Variants in PRPH observed in about 807,000 individuals in gnomAD.
PRPH encodes peripherin.
In PRPH, 48 loss-of-function variants were observed where a neutral mutation model predicts 52.6. That is an observed-to-expected ratio of 0.91 (90% confidence interval 0.72 to 1.16). PRPH has a LOEUF of 1.16. Ranked by LOEUF, PRPH falls within the 50% of genes most tolerant of loss-of-function variation. The pLI, the probability that PRPH is intolerant of heterozygous loss-of-function variation, is 0.00. For missense variants in PRPH, 579 were observed against 635.7 expected (o/e 0.91, Z 0.96); for synonymous variants, 279 against 283.8 (o/e 0.98, Z 0.17).
Position 49,298,026 on chromosome 12 carries a change from C to A in PRPH, c.1336C>A (p.Arg446=). 6.2e-7 allele frequency: 1 copy of A among 1,614,128 alleles called. No individual in the cohort carries two copies. Among genetic ancestry groups the A allele is most frequent in the Non-Finnish European group, 8.5e-7 (1 of 1,179,984 alleles). The part of the protein sequence containing the change: ...KTVLIKTIET[R]NGEVVTESQK... The stretch of plus-strand genomic sequence containing the variant: ...GGTTCTGATCAAGACCATTGAGACC[C>A]GGAATGGGGAGGTGAGGCAGGTCCC... Residue 446 remains arginine, a synonymous_variant, in exon 8 of 9, where the codon CGG becomes AGG. Coordinates refer to ENST00000257860, the MANE Select transcript of PRPH (RefSeq NM_006262.4).
chr12:49,296,635 A>G lies in PRPH; in HGVS notation c.702+108A>G. Reference sequence around the variant, plus strand: ...CCTGGGGATCAGGACGATGCTGGGTAGACGCAGCCCCTCCACCCTAGTCTA... The same window carrying G: ...CCTGGGGATCAGGACGATGCTGGGTGGACGCAGCCCCTCCACCCTAGTCTA... On this transcript the variant is annotated intron_variant, in intron 3 of 8. Transcript: ENST00000257860. This position sits in a 1 kb window ranked among gnomAD's most constrained non-coding sequence, Gnocchi z 5.1. 8.7e-7 allele frequency: 1 copy of G among 1,154,102 alleles called. No homozygotes were observed. The highest frequency in any genetic ancestry group is 1.3e-6 in the Non-Finnish European group (1 of 788,284). 71.5% of individuals were successfully genotyped at this position (1,154,102 alleles called of 1,614,324 possible).
Position 49,297,550 on chromosome 12 carries a change from G to C in PRPH, c.1190G>C (p.Arg397Pro), listed in dbSNP as rs898613415. 1 of 1,458,930 alleles carries C rather than the reference G, an allele frequency of 6.9e-7. No homozygotes were observed. The highest frequency in any genetic ancestry group is 1.4e-5 in the African/African-American group (1 of 69,158). The allele number at this position is 1,458,930 out of a possible 1,614,324, so 90.4% of individuals were successfully genotyped here. The change falls in exon 6 of 9, where the codon CGC becomes CCC. Residue 397 changes from arginine (R) to proline (P), a missense_variant. Arg to Pro is a moderately radical substitution (Grantham distance 103). Transcript: ENST00000257860. The surrounding 1 kb of genome is among the most constrained non-coding windows in gnomAD (Gnocchi z 4.4). Reference sequence around the variant, plus strand: ...CTGGACATCGAGATCGCCACCTACCGCAAGCTGCTGGAGGGCGAGGAGAGC... The same window carrying C: ...CTGGACATCGAGATCGCCACCTACCCCAAGCTGCTGGAGGGCGAGGAGAGC... The part of the protein sequence containing the change: ...MALDIEIATY[R>P]KLLEGEESRI...
At position 49,297,820 on chromosome 12, in the gene PRPH, G is replaced by A. The variant is rs1460866754; in HGVS notation, c.1267+94G>A. ...CACCTCAGGGATCTCTTCTCCCCAC[G>A]GAACTTCTGGGTCCTGGCCTGTACC... On this transcript the variant is annotated intron_variant, in intron 7 of 8. Transcript: ENST00000257860. This position sits in a 1 kb window ranked among gnomAD's most constrained non-coding sequence, Gnocchi z 4.4. The A allele has an allele frequency of 1.3e-5, 21 of 1,596,388 alleles. No individual in the cohort carries two copies. Among genetic ancestry groups the A allele is most frequent in the Non-Finnish European group, 1.5e-5 (18 of 1,164,580 alleles).
Position 49,297,004 on chromosome 12 carries a change from A to G in PRPH, c.818A>G (p.Glu273Gly), listed in dbSNP as rs1943190836. The G allele has an allele frequency of 1.9e-6, 3 of 1,613,834 alleles. No individual in the cohort carries two copies. Among genetic ancestry groups the G allele is most frequent in the African/African-American group, 1.3e-5 (1 of 75,006 alleles). Residue 273 changes from glutamate (E) to glycine (G), a missense_variant, in exon 4 of 9, where the codon GAG becomes GGG. Coordinates refer to ENST00000257860, the MANE Select transcript of PRPH (RefSeq NM_006262.4). The surrounding 1 kb of genome is among the most constrained non-coding windows in gnomAD (Gnocchi z 4.4). Reference sequence around the variant, plus strand: ...CTGAGGGACATCCGCGCGCAGTACGAGAGCATCGCCGCGAAGAACCTGCAG... The same window carrying G: ...CTGAGGGACATCCGCGCGCAGTACGGGAGCATCGCCGCGAAGAACCTGCAG... ...AALRDIRAQY[E>G]SIAAKNLQEA...
Position 49,296,543 on chromosome 12 carries a change from A to C in PRPH, c.702+16A>C, listed in dbSNP as rs1233747304. 6.2e-7 allele frequency: 1 copy of C among 1,611,720 alleles called. No homozygotes were observed. The highest frequency in any genetic ancestry group is 8.5e-7 in the Non-Finnish European group (1 of 1,178,122). ...GCACGAGGAGGTAAGTGGGCCCGGT[A>C]TCAGGGGCGGTTTCTGAGGTTGTGG... On this transcript the variant is annotated intron_variant, in intron 3 of 8. Transcript: ENST00000257860. This position sits in a 1 kb window ranked among gnomAD's most constrained non-coding sequence, Gnocchi z 5.1.
In PRPH at chr12:49,295,176, C is replaced by T. The variant is rs752486411; in HGVS notation, c.-25C>T. On this transcript the variant is annotated 5_prime_UTR_variant, in exon 1 of 9. It adds an upstream start codon to the 5' untranslated region. Coordinates refer to ENST00000257860, the MANE Select transcript of PRPH (RefSeq NM_006262.4). ...CCAGCCCCCGGCCTAGCTCTGCGAA[C>T]GGTGACTGCCCATCCTTGGCCGCAA... The T allele has an allele frequency of 1.9e-6, 3 of 1,606,942 alleles. No homozygotes were observed. Among genetic ancestry groups the T allele is most frequent in the Non-Finnish European group, 2.5e-6 (3 of 1,178,048 alleles).
In PRPH at chr12:49,297,402, G is replaced by A. The variant is rs1274782916; in HGVS notation, c.1042G>A (p.Ala348Thr). Residue 348 changes from alanine (A) to threonine (T), a missense_variant, in exon 6 of 9, where the codon GCC (alanine) becomes ACC (threonine). Ala to Thr is a moderately conservative substitution (Grantham distance 58). Transcript: ENST00000257860. The surrounding 1 kb of genome is among the most constrained non-coding windows in gnomAD (Gnocchi z 4.4). ...GTTGAGAGAGCTGGAGGAGCAGTTC[G>A]CCCTGGAGGCGGGGGGCTACCAGGC... ...RQLRELEEQF[A>T]LEAGGYQAGA... 1 of 1,613,450 alleles carries A rather than the reference G, an allele frequency of 6.2e-7. No homozygotes were observed. Among genetic ancestry groups the A allele is most frequent in the Non-Finnish European group, 8.5e-7 (1 of 1,179,896 alleles).
rs1296021865 is a variant in PRPH at position 49,298,415 on chromosome 12, A to G, written c.*62A>G. On this transcript the variant is annotated 3_prime_UTR_variant, in exon 9 of 9. Transcript: ENST00000257860. ...TGCTCAAAGCCCAAACCCTAAGACC[A>G]CTCCTGAATTGTCTCCTCTCCCTCT... 2 of 1,553,890 alleles carry G rather than the reference A, an allele frequency of 1.3e-6. No individual in the cohort carries two copies. Among genetic ancestry groups the G allele is most frequent in the Non-Finnish European group, 1.8e-6 (2 of 1,128,000 alleles).
chr12:49,295,402 G>T lies in PRPH; in HGVS notation c.202G>T (p.Gly68Cys). ...GSFRSPRAGA[G>C]ALLRLPSERL... The stretch of plus-strand genomic sequence containing the variant: ...CTTCCGTAGCCCCCGAGCGGGAGCG[G>T]GCGCCCTCCTGCGCCTGCCCTCGGA... Residue 68 changes from glycine to cysteine, a missense_variant, in exon 1 of 9, where the codon GGC becomes TGC. Coordinates refer to ENST00000257860, the MANE Select transcript of PRPH (RefSeq NM_006262.4). 6.2e-7 allele frequency: 1 copy of T among 1,605,776 alleles called. No individual in the cohort carries two copies. The highest frequency in any genetic ancestry group is 8.5e-7 in the Non-Finnish European group (1 of 1,177,050).
chr12:49,297,181 C>G lies in PRPH; in HGVS notation c.904C>G (p.His302Asp). ...ADLSDAANRN[H>D]EALRQAKQEM... ...CCTGTCCGACGCTGCCAACCGGAAC[C>G]ACGAGGCCCTGCGCCAGGCCAAGCA... Residue 302 changes from histidine (H) to aspartate (D), a missense_variant, in exon 5 of 9, where the codon CAC becomes GAC. Coordinates refer to ENST00000257860, the MANE Select transcript of PRPH (RefSeq NM_006262.4). This position sits in a 1 kb window ranked among gnomAD's most constrained non-coding sequence, Gnocchi z 4.4. 3 of 1,614,058 alleles carry G rather than the reference C, an allele frequency of 1.9e-6. 1 individual carries two copies. The highest frequency in any genetic ancestry group is 1.1e-5 in the South Asian group (1 of 91,076).
Position 49,297,401 on chromosome 12 carries a change from C to T in PRPH, c.1041C>T (p.Phe347=). ...AGTTGAGAGAGCTGGAGGAGCAGTT[C>T]GCCCTGGAGGCGGGGGGCTACCAGG... ...LRQLRELEEQ[F]ALEAGGYQAG... is the part of the protein sequence containing the mutation. The change falls in exon 6 of 9, where the codon TTC becomes TTT. Residue 347 remains phenylalanine (F), a synonymous_variant. Coordinates refer to ENST00000257860, the MANE Select transcript of PRPH (RefSeq NM_006262.4). This position sits in a 1 kb window ranked among gnomAD's most constrained non-coding sequence, Gnocchi z 4.4. 1.2e-6 allele frequency: 2 copies of T among 1,613,436 alleles called. No homozygotes were observed. The highest frequency in any genetic ancestry group is 1.7e-6 in the Non-Finnish European group (2 of 1,179,890).
At position 49,298,589 on chromosome 12, in the gene PRPH, C is replaced by G. The variant is rs896937222; in HGVS notation, c.*236C>G. 6 of 555,320 alleles carry G rather than the reference C, an allele frequency of 1.1e-5. No homozygotes were observed. The highest frequency in any genetic ancestry group is 9.2e-5 in the Admixed American group (3 of 32,774). 34.4% of individuals were successfully genotyped at this position (555,320 alleles called of 1,614,324 possible). On this transcript the variant is annotated 3_prime_UTR_variant, in exon 9 of 9. Transcript: ENST00000257860. ...CATGTCCCGATAAGAAGCCAATGAT[C>G]CCCCCTCAGGACAAATCTACTCCAG... is the stretch of plus-strand genomic sequence containing the variant.
Position 49,296,283 on chromosome 12 carries a change from CCCGATCTCAGTATCCAGAGGTGGCA to C in PRPH, c.606+46_606+70del. ...CGAGTTCAGCCTCCCCACCGCTACC[CCCGATCTCAGTATCCAGAGGTGGCA>C]TCGGTGGGCGCGGGGAGAAGGGGGT... On this transcript the variant is annotated intron_variant, in intron 2 of 8. Transcript: ENST00000257860. This position sits in a 1 kb window ranked among gnomAD's most constrained non-coding sequence, Gnocchi z 5.1. 6.2e-7 allele frequency: 1 copy of C among 1,605,520 alleles called. No homozygotes were observed. Among genetic ancestry groups the C allele is most frequent in the South Asian group, 1.1e-5 (1 of 90,006 alleles).
In PRPH at chr12:49,296,213, A is replaced by G. The variant is rs748203416; in HGVS notation, c.581A>G (p.Glu194Gly). ...EEETRKREDAEHNLVLFRKDV... is the reference protein window; with the variant it reads ...EEETRKREDAGHNLVLFRKDV... Reference sequence around the variant, plus strand: ...GAGACGCGCAAGCGGGAGGACGCGGAGCACAACCTCGTGCTCTTCCGCAAG... The same window carrying G: ...GAGACGCGCAAGCGGGAGGACGCGGGGCACAACCTCGTGCTCTTCCGCAAG... The change falls in exon 2 of 9, where the codon GAG becomes GGG. Residue 194 changes from glutamate (E) to glycine (G), a missense_variant. Physicochemically the swap from Glu to Gly is moderately conservative, Grantham distance 98. Transcript: ENST00000257860. This position sits in a 1 kb window ranked among gnomAD's most constrained non-coding sequence, Gnocchi z 5.1. 9.3e-6 allele frequency: 15 copies of G among 1,613,042 alleles called. 1 individual carries two copies. Among genetic ancestry groups the G allele is most frequent in the South Asian group, 3.3e-5 (3 of 91,012 alleles).
rs1269593661 is a variant in PRPH at position 49,296,247 on chromosome 12, G to A, written c.606+9G>A. 5 of 1,612,590 alleles carry A rather than the reference G, an allele frequency of 3.1e-6. No homozygotes were observed. Among genetic ancestry groups the A allele is most frequent in the East Asian group, 2.2e-5 (1 of 44,870 alleles). On this transcript the variant is annotated intron_variant, in intron 2 of 8. Coordinates refer to ENST00000257860, the MANE Select transcript of PRPH (RefSeq NM_006262.4). This position sits in a 1 kb window ranked among gnomAD's most constrained non-coding sequence, Gnocchi z 5.1. ...TCGTGCTCTTCCGCAAGGTGAGTCC[G>A]AGCCCCTCTCCGAGTTCAGCCTCCC...
Position 49,297,991 on chromosome 12 carries a change from G to A in PRPH, c.1301G>A (p.Ser434Asn). 1 of 1,614,192 alleles carries A rather than the reference G, an allele frequency of 6.2e-7. No individual in the cohort carries two copies. The highest frequency in any genetic ancestry group is 2.2e-5 in the East Asian group (1 of 44,880). Reference protein sequence around the residue: ...PEVEPPQDSHSRKTVLIKTIE... With the variant: ...PEVEPPQDSHNRKTVLIKTIE... ...GTGGAGCCTCCCCAGGACAGCCACA[G>A]CCGGAAGACGGTTCTGATCAAGACC... The change falls in exon 8 of 9, where the codon AGC becomes AAC. Residue 434 changes from serine (S) to asparagine (N), a missense_variant. Transcript: ENST00000257860. The surrounding 1 kb of genome is among the most constrained non-coding windows in gnomAD (Gnocchi z 4.4).
At position 49,296,296 on chromosome 12, in the gene PRPH, T is replaced by C; in HGVS notation, c.606+58T>C. ...CCCACCGCTACCCCCGATCTCAGTA[T>C]CCAGAGGTGGCATCGGTGGGCGCGG... On this transcript the variant is annotated intron_variant, in intron 2 of 8. Transcript: ENST00000257860. This position sits in a 1 kb window ranked among gnomAD's most constrained non-coding sequence, Gnocchi z 5.1. 1 of 1,599,198 alleles carries C rather than the reference T, an allele frequency of 6.3e-7. No homozygotes were observed. The highest frequency in any genetic ancestry group is 8.6e-7 in the Non-Finnish European group (1 of 1,169,588).
In PRPH at chr12:49,296,776, C is replaced by T. The variant is rs933906921; in HGVS notation, c.703-113C>T. ...GGCGCAGGGCTGTACGCCCTGCCCT[C>T]CCTGGCGCCCACTTCTGTTCGTTCA... On this transcript the variant is annotated intron_variant, in intron 3 of 8. Transcript: ENST00000257860. This position sits in a 1 kb window ranked among gnomAD's most constrained non-coding sequence, Gnocchi z 5.1. The T allele has an allele frequency of 6.7e-6, 10 of 1,489,170 alleles. No homozygotes were observed. In the African/African-American group the frequency reaches 1.4e-4, roughly 21 times the overall value. The allele number at this position is 1,489,170 out of a possible 1,614,324, so 92.2% of individuals were successfully genotyped here. A position where few individuals can be genotyped will look rare whatever the true frequency, so the allele number is the denominator to read the frequency against.
Position 49,297,785 on chromosome 12 carries a change from T to G in PRPH, c.1267+59T>G. On this transcript the variant is annotated intron_variant, in intron 7 of 8. Transcript: ENST00000257860. The surrounding 1 kb of genome is among the most constrained non-coding windows in gnomAD (Gnocchi z 4.4). ...TCCACTTCTGCCCTCCTCGGGCTCT[T>G]GCTCTGGCTCACCTCAGGGATCTCT... 6.2e-7 allele frequency: 1 copy of G among 1,608,988 alleles called. No homozygotes were observed. Among genetic ancestry groups the G allele is most frequent in the East Asian group, 2.2e-5 (1 of 44,868 alleles).
Sources: gnomAD v4.1 joint callset for allele counts on GRCh38, gnomAD v4.1.1 for gene constraint, Gnocchi (gnomAD v3.1) non-coding constraint, MANE v1.5 for transcripts, NCBI Gene and HGNC (gene_info 2026-07-23, HGNC 2026-07-21) for gene names.